Variants in RAPGEF1 observed in about 807,000 individuals in gnomAD.
RAPGEF1 encodes CRK SH3-binding GNRP.
Under a neutral mutation model 143.3 loss-of-function variants are expected in RAPGEF1, and 33 were observed. The ratio of observed to expected loss-of-function variants is 0.23; its 90% CI spans 0.17 to 0.31. RAPGEF1 has a LOEUF of 0.31. RAPGEF1 is among the 10% of genes least tolerant of loss of function. The pLI, the probability that RAPGEF1 is intolerant of heterozygous loss-of-function variation, is 1.00. For missense variants in RAPGEF1, 1,199 were observed against 1,645.4 expected, an observed-to-expected ratio of 0.73 and a Z score of 4.69; for synonymous variants, 629 against 676.5, an observed-to-expected ratio of 0.93 and a Z score of 1.09.
At chr9:131,688,653 T>C (rs981115729) in intron 1 of RAPGEF1, among the ~76,000 whole-genome samples, 1 of 152,206 alleles carries the variant, frequency 6.6e-6, no homozygotes, top group African/African-American at 2.4e-5. Flanking sequence ...AGCCTGTGGC[T>C]GGGTGTGGTG....
rs980572118 is a variant in RAPGEF1 at position 131,641,718 on chromosome 9, C to T, written c.494+1521G>A. Among the ~76,000 whole-genome samples the T allele has an allele frequency of 1.3e-5, 2 of 152,172 alleles. No individual in the cohort carries two copies. The highest frequency in any genetic ancestry group is 1.3e-4 in the Admixed American group (2 of 15,276). On this transcript the variant is annotated intron_variant, in intron 4 of 26. Coordinates refer to ENST00000683357, the MANE Select transcript of RAPGEF1 (RefSeq NM_001377935.1). The surrounding 1 kb of genome is among the most constrained non-coding windows in gnomAD (Gnocchi z 4.6). The stretch of plus-strand genomic sequence containing the variant: ...ACATGCGCTCCTAGGAGCCCAGCAC[C>T]GAACACTTCTAAGAGCCGGAGCTGG...
Position 131,628,584 on chromosome 9 carries a change from T to C in RAPGEF1, c.982A>G (p.Ser328Gly), listed in dbSNP as rs1356729026. 1 of 1,613,108 alleles carries C rather than the reference T, an allele frequency of 6.2e-7. No individual in the cohort carries two copies. ...AVVAPMSRATSGSSLPVGINR... is the reference protein window; with the variant it reads ...AVVAPMSRATGGSSLPVGINR... ...ATTCCAACAGGCAAACTGGAGCCAC[T>C]GGTGGCTCGGCTCATGGGGGCCACC... is the stretch of plus-strand genomic sequence containing the variant. Residue 328 changes from serine to glycine, a missense_variant, in exon 8 of 27, where the codon AGT (serine) becomes GGT (glycine). Around this residue, in one of 6 missense-constraint regions of RAPGEF1, gnomAD observed 613 missense variants for 710.9 expected, o/e 0.86. Transcript: ENST00000683357. This position sits in a 1 kb window ranked among gnomAD's most constrained non-coding sequence, Gnocchi z 5.7.
At chr9:131,653,031 T>C (rs964896810) in intron 1 of RAPGEF1, among the ~76,000 whole-genome samples, 20 of 152,210 alleles carry the variant, frequency 1.3e-4, no homozygotes, top group African/African-American at 4.6e-4. Flanking sequence ...GCCCTACATA[T>C]GTTATAATGT....
intron 10 of RAPGEF1, among the ~76,000 whole-genome samples, chr9:131,622,290 T>C (rs1382200968): frequency 6.6e-6 from 1 of 152,214 alleles, no homozygotes; most frequent in Non-Finnish European, 1.5e-5. Flanking sequence ...AAGTCTCAGC[T>C]ACCTCCTGAG....
chr9:131,656,120 T>C (rs563122998), intron 1 of RAPGEF1, among the ~76,000 whole-genome samples: 1 of 152,328 alleles, frequency 6.6e-6, no homozygotes, highest in Admixed American at 6.5e-5. Flanking sequence ...ACAAGGAGCT[T>C]GGATGCATAG....
At chr9:131,705,496 G>T (rs1834986428) in intron 1 of RAPGEF1, among the ~76,000 whole-genome samples, 1 of 152,188 alleles carries the variant, frequency 6.6e-6, no homozygotes, top group African/African-American at 2.4e-5. Flanking sequence ...TCAAAGAGCA[G>T]GCTGGGCCAC....
chr9:131,601,518 G>A (rs185756237), intron 15 of RAPGEF1, among the ~76,000 whole-genome samples: 20 of 152,074 alleles, frequency 1.3e-4, no homozygotes, highest in Middle Eastern at 3.4e-3. Context: ...GGCCTTTGCA[G>A]GGTGGGGTTA....
intron 25 of RAPGEF1, 23 bp downstream of exon 25, chr9:131,582,582 G>A: frequency 6.8e-7 from 1 of 1,476,022 alleles, no homozygotes. Flanking sequence ...CGGGGCTGGG[G>A]GCCTGGAGGG....
rs776140620 is a variant in RAPGEF1, at chr9:131,630,216, G to A, written c.740+20C>T. ...CCACTGAGCGTGACACCCGCGACAC[G>A]AGGGTTAGTCAGCACCTACCCATCA... On this transcript the variant is annotated intron_variant, in intron 6 of 26. Coordinates refer to ENST00000683357, the MANE Select transcript of RAPGEF1 (RefSeq NM_001377935.1). 2.5e-6 allele frequency: 4 copies of A among 1,584,150 alleles called. No individual in the cohort carries two copies. The highest frequency in any genetic ancestry group is 2.3e-5 in the East Asian group (1 of 43,696).
intron 1 of RAPGEF1, among the ~76,000 whole-genome samples, chr9:131,703,565 T>C (rs764857879): frequency 2.2e-4 from 34 of 152,134 alleles, no homozygotes; most frequent in Non-Finnish European, 4.4e-4. Flanking sequence ...GATGAGGAAA[T>C]TGAGGCCCAG....
chr9:131,649,496 T>A (rs998301265), intron 3 of RAPGEF1, among the ~76,000 whole-genome samples: 2 of 152,236 alleles, frequency 1.3e-5, no homozygotes, highest in African/African-American at 4.8e-5. Context: ...ATCTTGACTT[T>A]GCCACCTTTT....
In RAPGEF1 at chr9:131,658,450, C is replaced by T. The variant is rs117538304; in HGVS notation, c.62-7501G>A. On this transcript the variant is annotated intron_variant, in intron 1 of 26. Coordinates refer to ENST00000683357, the MANE Select transcript of RAPGEF1 (RefSeq NM_001377935.1). ...GAACTTGAGAACAGAAAGCCTCAGACTCTTGCTCCATGTTACATTTACCCC... is the reference window on the plus strand; with the variant it reads ...GAACTTGAGAACAGAAAGCCTCAGATTCTTGCTCCATGTTACATTTACCCC... Among the ~76,000 whole-genome samples the T allele has an allele frequency of 1.1e-3, 174 of 152,344 alleles. 2 individuals are homozygous for T. In the East Asian group the frequency reaches 0.03, roughly 26 times the overall value.
intron 1 of RAPGEF1, among the ~76,000 whole-genome samples, chr9:131,704,768 G>GAA (rs1295159758): frequency 2.0e-5 from 3 of 152,076 alleles, no homozygotes; most frequent in Non-Finnish European, 4.4e-5. Flanking sequence ...AGGAAGGAAT[G>GAA]AAAGGAAAGG....
intron 1 of RAPGEF1, among the ~76,000 whole-genome samples, chr9:131,712,862 TAGGGGG>T: frequency 6.6e-6 from 1 of 151,974 alleles, no homozygotes; most frequent in East Asian, 1.9e-4. Flanking sequence ...TGTTCAGGGG[TAGGGGG>T]AGGGGGAGAG....
At chr9:131,620,699 A>G (rs1960648684) in intron 11 of RAPGEF1, among the ~76,000 whole-genome samples, 1 of 152,182 alleles carries the variant, frequency 6.6e-6, no homozygotes, top group Admixed American at 6.5e-5. Flanking sequence ...GAGTGGAAAC[A>G]AAACAGCTTG....
Position 131,628,333 on chromosome 9 carries a change from C to T in RAPGEF1, c.1017+216G>A, listed in dbSNP as rs1267759897. Among the ~76,000 whole-genome samples, 1 of 152,188 alleles carries T rather than the reference C, an allele frequency of 6.6e-6. No individual in the cohort carries two copies. Among genetic ancestry groups the T allele is most frequent in the African/African-American group, 2.4e-5 (1 of 41,434 alleles). ...TGGACTCACCTATCCCCAGGAGACG[C>T]CCTTTGGCTCTGCCCTCCCTGCCCT... On this transcript the variant is annotated intron_variant, in intron 8 of 26. Transcript: ENST00000683357. The surrounding 1 kb of genome is among the most constrained non-coding windows in gnomAD (Gnocchi z 5.7).
At chr9:131,634,707 C>G (rs1965839591) in intron 5 of RAPGEF1, among the ~76,000 whole-genome samples, 1 of 93,246 alleles carries the variant, frequency 1.1e-5, no homozygotes, top group Non-Finnish European at 1.9e-5. Flanking sequence ...GAGTGAGACT[C>G]CGTCTCAAAA....
chr9:131,711,380 CAG>C (rs1261504726), intron 1 of RAPGEF1, among the ~76,000 whole-genome samples: 12 of 127,894 alleles, frequency 9.4e-5, no homozygotes, highest in Admixed American at 7.5e-4. Flanking sequence ...TTTTTTGAGA[CAG>C]AGTCTCACTC....
chr9:131,579,751 C>CGCAGCAAACGGATGCT, intron 26 of RAPGEF1, 104 bp from the exon 27 acceptor site: 2 of 1,257,280 alleles, frequency 1.6e-6, no homozygotes, highest in Non-Finnish European at 2.2e-6. Context: ...CCCACAGCCT[C>CGCAGCAAACGGATGCT]GCAGCAAACG....
Sources: gnomAD v4.1 joint callset for allele counts (sites outside exome capture counted in the v4.1 genomes callset) on GRCh38, gnomAD v4.1.1 for gene constraint, gnomAD v4.1.1 regional missense constraint, Gnocchi (gnomAD v3.1) non-coding constraint, MANE v1.5 for transcripts, NCBI Gene and HGNC (gene_info 2026-07-23, HGNC 2026-07-21) for gene names.